The following ANO4 variants were observed in gnomAD, a reference collection of about 807,000 sequenced individuals.
ANO4 encodes the protein anoctamin 4.
In ANO4, 69 loss-of-function variants were observed where a neutral mutation model predicts 141.9. The ratio of observed to expected loss-of-function variants is 0.49; its 90% CI spans 0.40 to 0.59. The LOEUF (loss-of-function observed/expected upper bound fraction) is 0.59. ANO4 is among the 20% of genes least tolerant of loss of function. The pLI is 0.00. For synonymous variants in ANO4, 350 were observed against 394.3 expected, an observed-to-expected ratio of 0.89 and a Z score of 1.33; for missense variants, 894 against 1,162.2, an observed-to-expected ratio of 0.77 and a Z score of 3.36.
At chr12:100,975,000 G>T in intron 7 of ANO4, 111 bp downstream of exon 7, 1 of 1,282,762 alleles carries the variant, frequency 7.8e-7, no homozygotes, top group South Asian at 1.2e-5. Flanking sequence ...ACATGGGAAA[G>T]TTGGCTGCCA....
chr12:100,859,433 C>G (rs549830907), intron 1 of ANO4, among the ~76,000 whole-genome samples: 3 of 152,252 alleles, frequency 2.0e-5, no homozygotes, highest in African/African-American at 7.2e-5. Context: ...AGAAAGAAGC[C>G]TTTGTTGTTT....
intron 5 of ANO4, among the ~76,000 whole-genome samples, chr12:100,954,504 G>A (rs1376013451): frequency 6.6e-6 from 1 of 152,080 alleles, no homozygotes; most frequent in Non-Finnish European, 1.5e-5. Context: ...AGAACTTTAT[G>A]GAGAAGGGGA....
intron 5 of ANO4, among the ~76,000 whole-genome samples, chr12:100,948,044 A>G (rs1315964143): frequency 2.0e-5 from 3 of 151,414 alleles, no homozygotes; most frequent in Non-Finnish European, 4.4e-5. Flanking sequence ...AACAAAAAAA[A>G]TTAGCCGGCT....
intron 1 of ANO4, among the ~76,000 whole-genome samples, chr12:100,800,619 C>T (rs2135660408): frequency 6.6e-6 from 1 of 152,306 alleles, no homozygotes; most frequent in East Asian, 1.9e-4. Flanking sequence ...GACAAATTAG[C>T]TAAACTTATT....
exon 3 of ANO4, chr12:100,739,854 G>T: frequency 2.8e-6 from 2 of 702,402 alleles, no homozygotes; most frequent in Non-Finnish European, 5.2e-6. Context: ...ATCTCACCAG[G>T]TTATGACGTT....
At chr12:100,913,693 C>T (rs7958839) in intron 2 of ANO4, among the ~76,000 whole-genome samples, 9,880 of 152,170 alleles carry the variant, frequency 0.065, 409 homozygotes, top group African/African-American at 0.074. Context: ...CCATTTAGCT[C>T]AGGATTATAC....
chr12:100,955,079 C>T (rs995857842), intron 5 of ANO4, among the ~76,000 whole-genome samples: 4 of 152,172 alleles, frequency 2.6e-5, no homozygotes, highest in African/African-American at 9.7e-5. Context: ...CTCATGCACA[C>T]GTGTATTGAG....
At chr12:100,748,900 G>A (rs2032235584) in intron 3 of ANO4, among the ~76,000 whole-genome samples, 1 of 152,062 alleles carries the variant, frequency 6.6e-6, no homozygotes, top group African/African-American at 2.4e-5. Flanking sequence ...TTAATCGTAT[G>A]TTATGGAATA....
intron 24 of ANO4, 86 bp from the exon 25 acceptor site, chr12:101,116,592 GT>G: frequency 6.3e-7 from 1 of 1,586,450 alleles, no homozygotes; most frequent in East Asian, 2.2e-5. Context: ...TACAATTGCA[GT>G]GACGTCTGGG....
intron 13 of ANO4, among the ~76,000 whole-genome samples, chr12:101,046,143 A>T (rs2047622135): frequency 1.3e-5 from 2 of 152,248 alleles, no homozygotes; most frequent in African/African-American, 4.8e-5. Context: ...TTTTCTGGTC[A>T]GTTTCATTTT....
At position 100,974,868 on chromosome 12, in the gene ANO4, G is replaced by A. The variant is rs752635853; in HGVS notation, c.581G>A (p.Arg194His). Reference protein sequence around the residue: ...PFRRKIYYLPRRYKFMSRIDK... With the variant: ...PFRRKIYYLPHRYKFMSRIDK... ...AGGAGAAAAATCTATTACCTGCCCC[G>A]CCGTTACAAGTTCATGAGCAGGTTA... The change falls in exon 7 of 28, where the codon CGC becomes CAC. Residue 194 changes from arginine (R) to histidine (H), a missense_variant. Transcript: ENST00000392977. 17 of 1,613,726 alleles carry A rather than the reference G, an allele frequency of 1.1e-5. No individual in the cohort carries two copies. The highest frequency in any genetic ancestry group is 5.0e-5 in the Admixed American group (3 of 59,974).
At position 101,066,976 on chromosome 12, in the gene ANO4, A is replaced by G. The variant is rs137940589; in HGVS notation, c.1313-12217A>G. On this transcript the variant is annotated intron_variant, in intron 14 of 27. Coordinates refer to ENST00000392977, the MANE Select transcript of ANO4 (RefSeq NM_001286615.2). ...TGTGACTACATGACACTCTTCATGT[A>G]CCCTAGAACTTAAAGTATAACAAAA... 7.7e-4 allele frequency: 447 copies of G among 578,892 alleles called. 1 individual carries two copies. The African/African-American group carries it at 7.8e-3, about 10-fold the overall frequency. 35.9% of individuals were successfully genotyped at this position (578,892 alleles called of 1,614,324 possible). A position where few individuals can be genotyped will look rare whatever the true frequency, so the allele number is the denominator to read the frequency against.
intron 9 of ANO4, among the ~76,000 whole-genome samples, chr12:101,034,608 A>T (rs1476313237): frequency 3.7e-3 from 1 of 272 alleles, no homozygotes; most frequent in African/African-American, 0.021. Flanking sequence ...CAAAACTTAA[A>T]TACATAAATA....
chr12:100,813,411 G>A (rs2035559840), intron 1 of ANO4, among the ~76,000 whole-genome samples: 1 of 152,116 alleles, frequency 6.6e-6, no homozygotes, highest in Non-Finnish European at 1.5e-5. Context: ...TGGATTGGAT[G>A]CTCAGTCTCA....
chr12:101,067,015 AAAG>A (rs1240124141), intron 14 of ANO4: 119 of 580,126 alleles, frequency 2.1e-4, no homozygotes, highest in African/African-American at 2.0e-3. Flanking sequence ...AAAAAAAAAA[AAAG>A]AAAGAACAGA....
At chr12:100,762,161 G>A (rs1052212431) in intron 3 of ANO4, among the ~76,000 whole-genome samples, 1 of 152,164 alleles carries the variant, frequency 6.6e-6, no homozygotes, top group Non-Finnish European at 1.5e-5. Context: ...GGTGCTGGAG[G>A]CTTTCCAGAT....
chr12:100,754,848 A>G (rs1255661055), intron 3 of ANO4, among the ~76,000 whole-genome samples: 1 of 152,200 alleles, frequency 6.6e-6, no homozygotes, highest in Non-Finnish European at 1.5e-5. Flanking sequence ...TTCCATTTAT[A>G]TGAAATAGAG....
chr12:100,994,567 A>G (rs368818359), intron 8 of ANO4, among the ~76,000 whole-genome samples: 1 of 152,262 alleles, frequency 6.6e-6, no homozygotes, highest in African/African-American at 2.4e-5. Flanking sequence ...AGATATAGAC[A>G]GAAAAATGTT....
intron 15 of ANO4, among the ~76,000 whole-genome samples, chr12:101,079,825 A>G (rs900067206): frequency 2.4e-5 from 3 of 124,914 alleles, no homozygotes; most frequent in Non-Finnish European, 5.2e-5. Flanking sequence ...GGAGGGCCAG[A>G]CTCAGCCCAC....
Sources: gnomAD v4.1 joint callset for allele counts (sites outside exome capture counted in the v4.1 genomes callset) on GRCh38, gnomAD v4.1.1 for gene constraint, MANE v1.5 for transcripts, NCBI Gene and HGNC (gene_info 2026-07-23, HGNC 2026-07-21) for gene names.